The following NRP1 variants were observed in gnomAD, a reference collection of about 807,000 sequenced individuals.
NRP1 encodes neuropilin-1.
NRP1 carries 35 observed loss-of-function variants against 106.7 expected under a neutral mutation model. The observed-to-expected ratio is 0.33, with a 90% confidence interval of 0.25 to 0.43. The LOEUF is 0.43. NRP1 is among the 20% of genes least tolerant of loss of function. NRP1 has a pLI of 1.00. For missense variants in NRP1, 1,024 were observed against 1,170.4 expected, an observed-to-expected ratio of 0.87 and a Z score of 1.83; for synonymous variants, 437 against 417.9, an observed-to-expected ratio of 1.05 and a Z score of -0.56.
At chr10:33,209,526 G>A (rs1287176433) in intron 9 of NRP1, among the ~76,000 whole-genome samples, 1 of 152,140 alleles carries the variant, frequency 6.6e-6, no homozygotes, top group Non-Finnish European at 1.5e-5. Flanking sequence ...ACCAAGGCTG[G>A]AGTGCAGTGG....
At chr10:33,215,514 T>C (rs950265484) in intron 8 of NRP1, among the ~76,000 whole-genome samples, 2 of 152,236 alleles carry the variant, frequency 1.3e-5, no homozygotes, top group Non-Finnish European at 2.9e-5. Context: ...GCTGGCTTAA[T>C]GACAAAATGT....
At chr10:33,237,487 GCACACACA>G (rs111698441) in intron 6 of NRP1, among the ~76,000 whole-genome samples, 60 of 144,852 alleles carry the variant, frequency 4.1e-4, no homozygotes, top group African/African-American at 1.4e-3. Context: ...ACATGCGCGC[GCACACACA>G]CACACACACA....
At chr10:33,217,168 AC>A (rs2132852469) in intron 8 of NRP1, among the ~76,000 whole-genome samples, 1 of 152,304 alleles carries the variant, frequency 6.6e-6, no homozygotes, top group Admixed American at 6.5e-5. Context: ...GGTAATGGGG[AC>A]CAGATGTTAC....
At chr10:33,202,474 A>G (rs957166327) in intron 11 of NRP1, 2 of 751,930 alleles carry the variant, frequency 2.7e-6, no homozygotes, top group African/African-American at 3.5e-5. Flanking sequence ...CATTTGTTGG[A>G]TAAAGGATCC....
intron 2 of NRP1, among the ~76,000 whole-genome samples, chr10:33,317,453 C>T (rs1482069226): frequency 1.3e-5 from 2 of 152,192 alleles, no homozygotes; most frequent in East Asian, 3.9e-4. Context: ...AATGGACCAT[C>T]AGTTTAAAAA....
intron 2 of NRP1, among the ~76,000 whole-genome samples, chr10:33,295,680 T>C (rs146238033): frequency 7.2e-5 from 11 of 152,288 alleles, no homozygotes; most frequent in African/African-American, 2.6e-4. Flanking sequence ...CTGCACTCAG[T>C]GTGGGCAATA....
chr10:33,248,305 T>A (rs1841579430), intron 6 of NRP1, among the ~76,000 whole-genome samples: 1 of 152,132 alleles, frequency 6.6e-6, no homozygotes, highest in African/African-American at 2.4e-5. Flanking sequence ...AAAAGTGCTT[T>A]TATAAGGGAA....
intron 4 of NRP1, among the ~76,000 whole-genome samples, chr10:33,262,092 T>C (rs750690236): frequency 1.1e-4 from 17 of 152,232 alleles, no homozygotes; most frequent in Non-Finnish European, 2.2e-4. Flanking sequence ...GAGAATAGTA[T>C]CTGACTCTGT....
In NRP1 at chr10:33,322,801, G is replaced by A. The variant is rs371127906; in HGVS notation, c.248+7907C>T. Among the ~76,000 whole-genome samples the A allele has an allele frequency of 3.9e-5, 6 of 152,280 alleles. No individual in the cohort carries two copies. The South Asian group carries it at 1.0e-3, about 26-fold the overall frequency. The stretch of plus-strand genomic sequence containing the variant: ...TTAAGTCCTTCCTCAGAATTAGTTG[G>A]TTTATACTTAAACTTTCCTGAGAAC... On this transcript the variant is annotated intron_variant, in intron 2 of 16. Coordinates refer to ENST00000374867, the MANE Select transcript of NRP1 (RefSeq NM_003873.7).
At chr10:33,202,459 T>G in intron 11 of NRP1, 1 of 680,974 alleles carries the variant, frequency 1.5e-6, no homozygotes, top group Non-Finnish European at 2.2e-6. Flanking sequence ...AAGCCTAACT[T>G]TATCCATTTG....
intron 10 of NRP1, among the ~76,000 whole-genome samples, chr10:33,206,867 C>T (rs1401538327): frequency 6.6e-6 from 1 of 152,110 alleles, no homozygotes; most frequent in Non-Finnish European, 1.5e-5. Context: ...GGGGTCAGTG[C>T]GTGGACTGAA....
At chr10:33,320,273 A>G (rs1028409802) in intron 2 of NRP1, among the ~76,000 whole-genome samples, 8 of 149,378 alleles carry the variant, frequency 5.4e-5, no homozygotes, top group African/African-American at 2.0e-4. Context: ...ACTTTGCGCC[A>G]CTGCACTCCA....
chr10:33,232,008 G>A (rs1380037620), intron 6 of NRP1, among the ~76,000 whole-genome samples: 1 of 152,060 alleles, frequency 6.6e-6, no homozygotes, highest in Non-Finnish European at 1.5e-5. Flanking sequence ...AGCTCTGGTT[G>A]TTTTGAAGTT....
chr10:33,244,911 C>T lies in NRP1; in HGVS notation c.981+9117G>A, dbSNP rs182245821. On this transcript the variant is annotated intron_variant, in intron 6 of 16. Coordinates refer to ENST00000374867, the MANE Select transcript of NRP1 (RefSeq NM_003873.7). ...TTATCCTGTGCTTCCTTTTCTTAATCCCATCCTTATTAGTGCATTTTGAGA... is the reference window on the plus strand; with the variant it reads ...TTATCCTGTGCTTCCTTTTCTTAATTCCATCCTTATTAGTGCATTTTGAGA... Among the ~76,000 whole-genome samples the T allele has an allele frequency of 3.1e-3, 467 of 152,262 alleles. 1 individual carries two copies. The highest frequency in any genetic ancestry group is 5.7e-3 in the Admixed American group (87 of 15,288).
chr10:33,289,558 C>T lies in NRP1; in HGVS notation c.249-18702G>A, dbSNP rs1403565837. Among the ~76,000 whole-genome samples, 8 of 152,262 alleles carry T rather than the reference C, an allele frequency of 5.3e-5. No individual in the cohort carries two copies. In the East Asian group the frequency reaches 1.3e-3, roughly 26 times the overall value. On this transcript the variant is annotated intron_variant, in intron 2 of 16. Coordinates refer to ENST00000374867, the MANE Select transcript of NRP1 (RefSeq NM_003873.7). ...GTGTTATAAATAAGGGTGACATTGA[C>T]GCATTTCAAATTGTTCCTCGAAGAG... is the stretch of plus-strand genomic sequence containing the variant.
chr10:33,252,997 T>G (rs935002465), intron 6 of NRP1, among the ~76,000 whole-genome samples: 3 of 76,792 alleles, frequency 3.9e-5, no homozygotes, highest in African/African-American at 3.3e-4. Flanking sequence ...CATCTTGTGG[T>G]TTTTTTTTTT....
At chr10:33,294,450 T>C (rs917086072) in intron 2 of NRP1, among the ~76,000 whole-genome samples, 3 of 151,874 alleles carry the variant, frequency 2.0e-5, no homozygotes, top group African/African-American at 7.3e-5. Context: ...AAACCTCATC[T>C]CTACTAAAAA....
chr10:33,318,492 G>C (rs1230801297), intron 2 of NRP1, among the ~76,000 whole-genome samples: 2 of 152,060 alleles, frequency 1.3e-5, no homozygotes, highest in African/African-American at 4.8e-5. Flanking sequence ...CAGCTGAAGA[G>C]GGAAATGGTG....
intron 6 of NRP1, among the ~76,000 whole-genome samples, chr10:33,241,171 G>C (rs1246401687): frequency 6.6e-6 from 1 of 152,176 alleles, no homozygotes; most frequent in East Asian, 1.9e-4. Flanking sequence ...ATGTGTGGAG[G>C]TAGAAAATGA....
Sources: allele counts gnomAD v4.1 joint callset (sites outside exome capture counted in the v4.1 genomes callset), GRCh38; gene constraint gnomAD v4.1.1; transcripts MANE v1.5; gene names NCBI Gene and HGNC (gene_info 2026-07-23, HGNC 2026-07-21).